PHYKPL: variants seen among roughly 807,000 people sequenced by gnomAD.
The protein encoded by PHYKPL is 5-phosphohydroxy-L-lysine phospho-lyase.
In PHYKPL, 42 loss-of-function variants were observed where a neutral mutation model predicts 51.3. That is an observed-to-expected ratio of 0.82 (90% confidence interval 0.64 to 1.06). The LOEUF is 1.06. PHYKPL is among the 50% of genes least tolerant of loss of function. The probability of loss-of-function intolerance (pLI) is 0.00; values close to 1 mark genes in which losing one functional copy is unlikely to be tolerated. For synonymous variants in PHYKPL, 264 were observed against 236.0 expected (o/e 1.12, Z -1.09); for missense variants, 655 against 586.6 (o/e 1.12, Z -1.20).
intron 12 of PHYKPL, chr5:178,209,983 A>G (rs1158461344): frequency 2.0e-6 from 2 of 1,014,428 alleles, no homozygotes; most frequent in Non-Finnish European, 2.7e-6. Flanking sequence ...GGTTGGGCCC[A>G]GGGCCCTTAT....
At chr5:178,222,650 C>T (rs1161167748) in intron 7 of PHYKPL, 70 bp from the exon 8 acceptor site, 46 of 1,527,846 alleles carry the variant, frequency 3.0e-5, no homozygotes, top group Non-Finnish European at 3.6e-5. Context: ...CAGGAGGTCT[C>T]GGGGCTTTGC....
chr5:178,228,707 G>A, intron 3 of PHYKPL: 1 of 679,510 alleles, frequency 1.5e-6, no homozygotes. Context: ...CCTACGATTT[G>A]TTGGAATGTT....
chr5:178,218,754 T>C (rs1760481560), intron 8 of PHYKPL, among the ~76,000 whole-genome samples: 1 of 152,232 alleles, frequency 6.6e-6, no homozygotes, highest in South Asian at 2.1e-4. Context: ...TTAAATATCT[T>C]CCCACAAAAC....
rs375283478 is a variant in PHYKPL at position 178,229,999 on chromosome 5, C to T, written c.279G>A (p.Ala93=). ...CCGGCAGGGTCTCTGACAGCCTCTGCGCATAGTCCACGATGTTGTCATGCA... is the reference window on the plus strand; with the variant it reads ...CCGGCAGGGTCTCTGACAGCCTCTGTGCATAGTCCACGATGTTGTCATGCA... ...RYLHDNIVDY[A]QRLSETLPEQ... The change falls in exon 3 of 13, where the codon GCG becomes GCA. Residue 93 remains alanine (A), a synonymous_variant. Coordinates refer to ENST00000308158, the MANE Select transcript of PHYKPL (RefSeq NM_153373.4). The T allele has an allele frequency of 1.3e-5, 21 of 1,614,096 alleles. No individual in the cohort carries two copies. Among genetic ancestry groups the T allele is most frequent in the South Asian group, 7.7e-5 (7 of 91,088 alleles).
At chr5:178,209,241 C>T in intron 12 of PHYKPL, 1 of 1,014,510 alleles carries the variant, frequency 9.9e-7, no homozygotes, top group Non-Finnish European at 1.6e-6. Context: ...CCTGATCCAC[C>T]ATTTGATGTT....
At chr5:178,217,556 G>A (rs1178430184) in intron 8 of PHYKPL, among the ~76,000 whole-genome samples, 1 of 147,012 alleles carries the variant, frequency 6.8e-6, no homozygotes, top group Non-Finnish European at 1.5e-5. Context: ...GAAAGAATCA[G>A]TGAAAAAAAA....
chr5:178,213,863 A>G (rs12522289), intron 10 of PHYKPL, among the ~76,000 whole-genome samples: 12,061 of 152,302 alleles, frequency 0.079, 543 homozygotes, highest in East Asian at 0.17. Flanking sequence ...CTGGGGCCAG[A>G]TCTAGCTCTT....
In PHYKPL at chr5:178,225,379, T is replaced by A; in HGVS notation, c.389A>T (p.His130Leu). The change falls in exon 4 of 13, where the codon CAC (histidine) becomes CTC (leucine). Residue 130 changes from histidine (H) to leucine (L), a missense_variant. Transcript: ENST00000308158. ...ALRLARHYTGHQDVVVLDHAY... is the reference protein window; with the variant it reads ...ALRLARHYTGLQDVVVLDHAY... ...CTGATCTAATACCACCACGTCCTGG[T>A]GTCCCGTGTAGTGGCGAGCCAGCCT... 1.9e-6 allele frequency: 3 copies of A among 1,614,174 alleles called. No individual in the cohort carries two copies. Among genetic ancestry groups the A allele is most frequent in the Non-Finnish European group, 2.5e-6 (3 of 1,180,036 alleles).
chr5:178,212,502 G>A (rs1005559929), intron 11 of PHYKPL, among the ~76,000 whole-genome samples: 9 of 152,266 alleles, frequency 5.9e-5, no homozygotes, highest in Non-Finnish European at 1.0e-4. Flanking sequence ...CATCCTAGGT[G>A]ATGGGGAATG....
chr5:178,211,218 GGC>G (rs916687801), intron 12 of PHYKPL: 1 of 122,454 alleles, frequency 8.2e-6, no homozygotes, highest in African/African-American at 3.1e-5. Flanking sequence ...GGTCGAGGGA[GGC>G]GGGGGGGGGG....
chr5:178,214,966 G>A (rs906496174), intron 9 of PHYKPL, 81 bp from the exon 10 acceptor site: 2 of 1,334,200 alleles, frequency 1.5e-6, no homozygotes, highest in Non-Finnish European at 2.1e-6. Context: ...GCTCCTACCT[G>A]TGCCTCCTGA....
chr5:178,211,705 C>T, intron 12 of PHYKPL, 185 bp downstream of exon 12: 2 of 589,346 alleles, frequency 3.4e-6, no homozygotes, highest in Non-Finnish European at 6.0e-6. Context: ...TATAGCTGTT[C>T]CTGCCATCAA....
intron 8 of PHYKPL, among the ~76,000 whole-genome samples, chr5:178,217,443 A>AC (rs1760039605): frequency 6.6e-6 from 1 of 151,370 alleles, no homozygotes; most frequent in African/African-American, 2.4e-5. Context: ...CTGGTCTTAA[A>AC]CCCGGGACCT....
At chr5:178,227,425 G>C (rs1762514793) in intron 3 of PHYKPL, among the ~76,000 whole-genome samples, 1 of 152,222 alleles carries the variant, frequency 6.6e-6, no homozygotes, top group Non-Finnish European at 1.5e-5. Context: ...AGCCAGAGCA[G>C]ACCAACACAG....
At chr5:178,207,791 C>T (rs940293841), downstream of PHYKPL, among the ~76,000 whole-genome samples, 3 of 148,340 alleles carry the variant, frequency 2.0e-5, no homozygotes, top group African/African-American at 7.5e-5. Flanking sequence ...CAACCTTGAC[C>T]TCATGGGCGG....
chr5:178,219,145 G>A (rs1192227043), intron 8 of PHYKPL, among the ~76,000 whole-genome samples: 1 of 152,134 alleles, frequency 6.6e-6, no homozygotes, highest in Non-Finnish European at 1.5e-5. Flanking sequence ...TTGGAGTAGG[G>A]AGAGATATCT....
intron 8 of PHYKPL, among the ~76,000 whole-genome samples, chr5:178,221,553 T>C (rs190334083): frequency 3.5e-4 from 53 of 152,246 alleles, no homozygotes; most frequent in Non-Finnish European, 2.9e-5. Flanking sequence ...AAAGTGTCAC[T>C]TCCCTCACCC....
rs756036875 is a variant in PHYKPL at position 178,215,418 on chromosome 5, G to C, written c.940C>G (p.Pro314Ala). 6.2e-7 allele frequency: 1 copy of C among 1,611,548 alleles called. No homozygotes were observed. The highest frequency in any genetic ancestry group is 1.1e-5 in the South Asian group (1 of 90,978). ...GCCAGCCCCACAGCGCAGGACACTG[G>C]GCTGCCCCCAAACTGAGCCAGGGAC... is the stretch of plus-strand genomic sequence containing the variant. ...VEYFNTFGGS[P>A]VSCAVGLAVL... The change falls in exon 9 of 13, where the codon CCA becomes GCA. Residue 314 changes from proline (P) to alanine (A), a missense_variant. Coordinates refer to ENST00000308158, the MANE Select transcript of PHYKPL (RefSeq NM_153373.4).
intron 4 of PHYKPL, chr5:178,225,121 T>C (rs1330528940): frequency 5.1e-6 from 3 of 588,040 alleles, no homozygotes; most frequent in East Asian, 2.8e-5. Context: ...GGGACCACCT[T>C]TGAGTCTCTT....
Sources: gnomAD v4.1 joint callset for allele counts (sites outside exome capture counted in the v4.1 genomes callset) on GRCh38, gnomAD v4.1.1 for gene constraint, MANE v1.5 for transcripts, NCBI Gene and HGNC (gene_info 2026-07-23, HGNC 2026-07-21) for gene names.